Variants in TTC28 observed in about 807,000 individuals in gnomAD.
The protein encoded by TTC28 is tetratricopeptide repeat domain 28.
In TTC28, 61 loss-of-function variants were observed where a neutral mutation model predicts 198.0. That is an observed-to-expected ratio of 0.31 (90% CI 0.25 to 0.38). TTC28 has a LOEUF of 0.38. Ranked by LOEUF, TTC28 falls within the 10% of genes least tolerant of loss-of-function variation. The pLI is 1.00. For missense variants in TTC28, 2,678 were observed against 3,164.0 expected (o/e 0.85, Z 3.69); for synonymous variants, 1,171 against 1,297.8 (o/e 0.90, Z 2.10).
At chr22:28,420,217 T>C (rs1435858858) in intron 2 of TTC28, among the ~76,000 whole-genome samples, 1 of 152,204 alleles carries the variant, frequency 6.6e-6, no homozygotes, top group Non-Finnish European at 1.5e-5. Context: ...AACACGCCTA[T>C]TTCTCTACCT....
At chr22:28,615,276 T>C (rs1023813184) in intron 2 of TTC28, among the ~76,000 whole-genome samples, 1 of 152,018 alleles carries the variant, frequency 6.6e-6, no homozygotes, top group Admixed American at 6.6e-5. Context: ...GTTAGAATGG[T>C]GATCATTAAA....
intron 2 of TTC28, among the ~76,000 whole-genome samples, chr22:28,602,419 C>A (rs1185329014): frequency 2.0e-5 from 3 of 152,094 alleles, no homozygotes; most frequent in Non-Finnish European, 4.4e-5. Flanking sequence ...AGTACTGTAT[C>A]AATGATAATG....
At chr22:28,437,481 A>G (rs777338596) in intron 2 of TTC28, among the ~76,000 whole-genome samples, 1 of 152,172 alleles carries the variant, frequency 6.6e-6, no homozygotes, top group Non-Finnish European at 1.5e-5. Context: ...ACCCCAGCCC[A>G]GTTTATGCTT....
At position 28,297,254 on chromosome 22, in the gene TTC28, C is replaced by T. The variant is rs551792472; in HGVS notation, c.802+326G>A. On this transcript the variant is annotated intron_variant, in intron 4 of 22. Transcript: ENST00000397906. ...AGAGACAGGGTTTTGCTCTGTTGCC[C>T]AGGCTGGAGTGCAGTAGCATCATCA... 3.9e-5 allele frequency among the ~76,000 whole-genome samples: 6 copies of T among 152,074 alleles called. No homozygotes were observed. The South Asian group carries it at 1.2e-3, about 32-fold the overall frequency.
At chr22:28,334,350 C>G (rs1244157444) in intron 2 of TTC28, among the ~76,000 whole-genome samples, 1 of 152,074 alleles carries the variant, frequency 6.6e-6, no homozygotes, top group Non-Finnish European at 1.5e-5. Flanking sequence ...GTTTTATAAT[C>G]CTTTGGGTAT....
chr22:28,189,666 C>A (rs907606580), intron 5 of TTC28, among the ~76,000 whole-genome samples: 1 of 151,888 alleles, frequency 6.6e-6, no homozygotes, highest in African/African-American at 2.4e-5. Flanking sequence ...GGCTTCTCAA[C>A]AGTAACTGAA....
intron 2 of TTC28, among the ~76,000 whole-genome samples, chr22:28,476,618 TTCTA>T (rs2048171359): frequency 2.6e-5 from 4 of 152,220 alleles, no homozygotes; most frequent in African/African-American, 9.6e-5. Flanking sequence ...TAAATGGCAT[TTCTA>T]TAAATCTACT....
chr22:28,196,697 A>C (rs1386750551), intron 5 of TTC28, among the ~76,000 whole-genome samples: 1 of 152,226 alleles, frequency 6.6e-6, no homozygotes, highest in East Asian at 1.9e-4. Context: ...AATGCTCATC[A>C]TCATTGGCCA....
rs1258320862 is a variant in TTC28 at position 28,522,488 on chromosome 22, C to CAAA, written c.381+107061_381+107063dup. 2.4e-4 allele frequency among the ~76,000 whole-genome samples: 16 copies of CAAA among 66,226 alleles called. 1 individual carries two copies. The highest frequency in any genetic ancestry group is 8.4e-4 in the African/African-American group (15 of 17,826). The allele number at this position is 66,226 out of a possible 152,430, so 43.4% of individuals were successfully genotyped here. A position where few individuals can be genotyped will look rare whatever the true frequency, so the allele number is the denominator to read the frequency against. On this transcript the variant is annotated intron_variant, in intron 2 of 22. Transcript: ENST00000397906. The stretch of plus-strand genomic sequence containing the variant: ...GGGCAACAAGTGCGAAACTCCGTCT[C>CAAA]AAAAAAAAAAAAAAAACTGAGACAC...
At chr22:28,066,275 CGTGTGTGT>C (rs796325170) in intron 12 of TTC28, among the ~76,000 whole-genome samples, 1 of 135,694 alleles carries the variant, frequency 7.4e-6, no homozygotes, top group South Asian at 2.5e-4. Flanking sequence ...ACCTAGTTAC[CGTGTGTGT>C]GTGTGTGTGT....
At chr22:28,315,887 A>C (rs2045343861) in intron 2 of TTC28, among the ~76,000 whole-genome samples, 1 of 152,308 alleles carries the variant, frequency 6.6e-6, no homozygotes, top group Non-Finnish European at 1.5e-5. Context: ...GTTGGAGTGA[A>C]AGTTTCATAA....
At chr22:28,061,368 T>C (rs1253844370) in intron 12 of TTC28, among the ~76,000 whole-genome samples, 1 of 152,242 alleles carries the variant, frequency 6.6e-6, no homozygotes, top group African/African-American at 2.4e-5. Flanking sequence ...ACTTAAGTCT[T>C]TAATCCATCT....
At chr22:28,413,639 T>C (rs2047122672) in intron 2 of TTC28, among the ~76,000 whole-genome samples, 1 of 152,148 alleles carries the variant, frequency 6.6e-6, no homozygotes, top group South Asian at 2.1e-4. Flanking sequence ...TATTTTAAAT[T>C]TATAATGCAG....
At chr22:28,609,716 C>G (rs1234784652) in intron 2 of TTC28, among the ~76,000 whole-genome samples, 2 of 152,060 alleles carry the variant, frequency 1.3e-5, no homozygotes, top group African/African-American at 4.8e-5. Context: ...CCAGTGGCGC[C>G]TGGAATGCCA....
chr22:28,165,136 T>C (rs1921768384), intron 5 of TTC28, among the ~76,000 whole-genome samples: 1 of 152,032 alleles, frequency 6.6e-6, no homozygotes, highest in Non-Finnish European at 1.5e-5. Flanking sequence ...GAAAAAAGAA[T>C]AAAAAGAAAT....
chr22:28,196,030 C>G (rs1925298992), intron 5 of TTC28, among the ~76,000 whole-genome samples: 1 of 151,866 alleles, frequency 6.6e-6, no homozygotes, highest in Admixed American at 6.6e-5. Context: ...TACCTGACTT[C>G]AAACTATACT....
At chr22:28,143,961 C>T (rs545277809) in intron 6 of TTC28, among the ~76,000 whole-genome samples, 2 of 151,876 alleles carry the variant, frequency 1.3e-5, no homozygotes, top group Non-Finnish European at 2.9e-5. Context: ...CCCAGAGCCT[C>T]GACATTATTC....
At chr22:28,030,817 TA>T (rs1939044389) in intron 12 of TTC28, among the ~76,000 whole-genome samples, 2 of 152,212 alleles carry the variant, frequency 1.3e-5, no homozygotes, top group South Asian at 4.1e-4. Flanking sequence ...ACTAAATACC[TA>T]CATTGTGTTG....
chr22:28,060,647 T>G (rs951322366), intron 12 of TTC28, among the ~76,000 whole-genome samples: 2 of 152,244 alleles, frequency 1.3e-5, no homozygotes, highest in Non-Finnish European at 2.9e-5. Flanking sequence ...GTATTTTTAG[T>G]TCTACATCCT....
Sources: gnomAD v4.1 joint callset for allele counts (sites outside exome capture counted in the v4.1 genomes callset) on GRCh38, gnomAD v4.1.1 for gene constraint, MANE v1.5 for transcripts, NCBI Gene and HGNC (gene_info 2026-07-23, HGNC 2026-07-21) for gene names.